Variants in PALM2AKAP2 observed in about 807,000 individuals in gnomAD.
PALM2AKAP2 encodes the protein PALM2-AKAP2 fusion protein.
A neutral mutation model predicts 71.5 loss-of-function variants in PALM2AKAP2; 37 were observed. The ratio of observed to expected loss-of-function variants is 0.52; its 90% CI spans 0.40 to 0.68. The LOEUF (loss-of-function observed/expected upper bound fraction) is 0.68. Ranked by LOEUF, PALM2AKAP2 falls within the 30% of genes least tolerant of loss-of-function variation. PALM2AKAP2 has a pLI of 0.00. For synonymous variants in PALM2AKAP2, 468 were observed against 478.8 expected, an observed-to-expected ratio of 0.98 and a Z score of 0.29; for missense variants, 1,224 against 1,191.8, an observed-to-expected ratio of 1.03 and a Z score of -0.40.
intron 5 of PALM2AKAP2, among the ~76,000 whole-genome samples, chr9:109,931,030 A>C (rs1831088382): frequency 6.6e-6 from 1 of 152,196 alleles, no homozygotes; most frequent in Non-Finnish European, 1.5e-5. Context: ...GGATTTTGTG[A>C]TATGGTCGTG....
At chr9:109,711,641 G>T (rs1393701785) in intron 1 of PALM2AKAP2, among the ~76,000 whole-genome samples, 1 of 152,238 alleles carries the variant, frequency 6.6e-6, no homozygotes, top group African/African-American at 2.4e-5. Flanking sequence ...ACAGAGCTGG[G>T]AGTCCAGCAA....
intron 1 of PALM2AKAP2, among the ~76,000 whole-genome samples, chr9:109,657,633 A>G (rs1367098574): frequency 6.6e-6 from 1 of 152,166 alleles, no homozygotes; most frequent in Non-Finnish European, 1.5e-5. Flanking sequence ...ACGGAAAGAC[A>G]GGTTGATTGC....
chr9:109,976,743 A>G (rs1424887325), intron 6 of PALM2AKAP2, among the ~76,000 whole-genome samples: 1 of 152,174 alleles, frequency 6.6e-6, no homozygotes, highest in South Asian at 2.1e-4. Context: ...ATCTCATTAA[A>G]TCCTCAAATA....
In PALM2AKAP2 at chr9:110,068,087, C is replaced by CTTTTTTTTTTT. The variant is rs5899875; in HGVS notation, c.156+19239_156+19249dup. On this transcript the variant is annotated intron_variant, in intron 1 of 3. Transcript: ENST00000374525. The stretch of plus-strand genomic sequence containing the variant: ...GTTGTATTTGCTTATGTTCCAAACT[C>CTTTTTTTTTTT]TTTTTTTTTTTTTTTTTGGTAAGAT... Among the ~76,000 whole-genome samples the CTTTTTTTTTTT allele has an allele frequency of 1.2e-4, 15 of 122,938 alleles. 1 individual carries two copies. The highest frequency in any genetic ancestry group is 4.8e-4 in the African/African-American group (14 of 29,216). The allele number at this position is 122,938 out of a possible 152,430, so 80.7% of individuals were successfully genotyped here. A position where few individuals can be genotyped will look rare whatever the true frequency, so the allele number is the denominator to read the frequency against.
At chr9:110,088,703 GTTTTTTTTTTTTTTTTT>G (rs71373964) in intron 1 of PALM2AKAP2, among the ~76,000 whole-genome samples, 4 of 75,574 alleles carry the variant, frequency 5.3e-5, no homozygotes, top group African/African-American at 1.6e-4. Flanking sequence ...GCATTTACGT[GTTTTTTTTTTTTTTTTT>G]TTTTTTTTTT....
At chr9:109,829,445 A>G (rs1158454542) in intron 1 of PALM2AKAP2, among the ~76,000 whole-genome samples, 1 of 152,188 alleles carries the variant, frequency 6.6e-6, no homozygotes, top group Non-Finnish European at 1.5e-5. Flanking sequence ...CCTGGAGCAA[A>G]GAGCCCAGCA....
At chr9:109,881,494 G>A (rs887594791) in intron 3 of PALM2AKAP2, among the ~76,000 whole-genome samples, 15 of 152,192 alleles carry the variant, frequency 9.9e-5, no homozygotes, top group African/African-American at 3.4e-4. Flanking sequence ...TGAAGAGTGT[G>A]GAAGTGCTGA....
At chr9:110,017,748 A>C (rs950748986) in intron 7 of PALM2AKAP2, among the ~76,000 whole-genome samples, 10 of 149,252 alleles carry the variant, frequency 6.7e-5, no homozygotes, top group African/African-American at 2.5e-4. Flanking sequence ...TTTTTTTTTA[A>C]GACGGAGTCT....
intron 1 of PALM2AKAP2, among the ~76,000 whole-genome samples, chr9:109,696,402 C>T (rs10980007): frequency 0.27 from 41,293 of 152,080 alleles, 6,252 homozygotes; most frequent in African/African-American, 0.41. Context: ...AAGATGCCAT[C>T]TTCTGTCTAT....
intron 3 of PALM2AKAP2, among the ~76,000 whole-genome samples, chr9:109,889,152 G>T (rs1032961289): frequency 1.3e-5 from 2 of 152,110 alleles, no homozygotes; most frequent in Non-Finnish European, 2.9e-5. Context: ...AAAATAAAAG[G>T]CTTCTCTTAT....
intron 1 of PALM2AKAP2, among the ~76,000 whole-genome samples, chr9:109,655,736 GT>G (rs1827295077): frequency 6.6e-6 from 1 of 152,108 alleles, no homozygotes; most frequent in Non-Finnish European, 1.5e-5. Context: ...TGCTTTGAAG[GT>G]TTATCCCTGT....
At chr9:109,745,337 G>A (rs1367451454) in intron 1 of PALM2AKAP2, among the ~76,000 whole-genome samples, 1 of 152,148 alleles carries the variant, frequency 6.6e-6, no homozygotes, top group East Asian at 1.9e-4. Context: ...GGGCATCAAA[G>A]TGAGACTCTG....
At chr9:109,862,166 A>T (rs1003041638) in intron 1 of PALM2AKAP2, among the ~76,000 whole-genome samples, 4 of 152,086 alleles carry the variant, frequency 2.6e-5, no homozygotes, top group African/African-American at 7.2e-5. Context: ...GAAAGGAGGG[A>T]GTGATGCAAT....
At chr9:109,849,359 C>G (rs2252637) in intron 1 of PALM2AKAP2, among the ~76,000 whole-genome samples, 91,548 of 152,024 alleles carry the variant, frequency 0.6, 28,106 homozygotes, top group South Asian at 0.72. Context: ...TTGAAGATAG[C>G]CATCTTCCCC....
intron 6 of PALM2AKAP2, among the ~76,000 whole-genome samples, chr9:109,999,736 C>A (rs1832645721): frequency 6.6e-6 from 1 of 152,238 alleles, no homozygotes; most frequent in Non-Finnish European, 1.5e-5. Flanking sequence ...TGTCAGGGCT[C>A]TCCCTGCCTA....
chr9:109,944,865 T>A (rs1346930410), intron 6 of PALM2AKAP2: 9 of 152,188 alleles, frequency 5.9e-5, no homozygotes, highest in Admixed American at 5.9e-4. Context: ...AGATATAACA[T>A]GATTACTGGT....
chr9:110,014,806 GTATATATATA>G (rs34408706), intron 6 of PALM2AKAP2, among the ~76,000 whole-genome samples: 1,133 of 41,530 alleles, frequency 0.027, 85 homozygotes, highest in Non-Finnish European at 0.033. Flanking sequence ...AAAAAAAAAT[GTATATATATA>G]TATATATATA....
At chr9:110,017,015 G>C (rs1832994282) in intron 7 of PALM2AKAP2, among the ~76,000 whole-genome samples, 1 of 152,100 alleles carries the variant, frequency 6.6e-6, no homozygotes, top group Admixed American at 6.5e-5. Context: ...GAGTAGCTGG[G>C]ACTACAGGCG....
intron 3 of PALM2AKAP2, among the ~76,000 whole-genome samples, chr9:109,923,358 C>T (rs774249533): frequency 2.0e-5 from 3 of 152,228 alleles, no homozygotes; most frequent in Non-Finnish European, 4.4e-5. Flanking sequence ...AGAGCACTTA[C>T]TCTGAGCCGG....
Sources: allele counts gnomAD v4.1 joint callset (sites outside exome capture counted in the v4.1 genomes callset), GRCh38; gene constraint gnomAD v4.1.1; transcripts MANE v1.5; gene names NCBI Gene and HGNC (gene_info 2026-07-23, HGNC 2026-07-21).